The following MAPKAP1 variants were observed in gnomAD, a reference collection of about 807,000 sequenced individuals.
MAPKAP1 encodes the protein MAPK associated protein 1.
In MAPKAP1, 20 loss-of-function variants were observed where a neutral mutation model predicts 65.7. The ratio of observed to expected loss-of-function variants is 0.30; its 90% CI spans 0.21 to 0.44. MAPKAP1 has a LOEUF of 0.44. Among genes scored for constraint, MAPKAP1 ranks in the 20% least tolerant of loss-of-function variants. The pLI is 1.00. For missense variants in MAPKAP1, 423 were observed against 648.0 expected (o/e 0.65, Z 3.77); for synonymous variants, 222 against 244.3 (o/e 0.91, Z 0.85).
chr9:125,617,635 A>G (rs1482077784), intron 4 of MAPKAP1, among the ~76,000 whole-genome samples: 4 of 152,248 alleles, frequency 2.6e-5, no homozygotes, highest in Non-Finnish European at 4.4e-5. Flanking sequence ...TGAATTAACT[A>G]CAGCTACAGA....
intron 8 of MAPKAP1, among the ~76,000 whole-genome samples, chr9:125,501,900 T>C (rs1051249151): frequency 2.6e-5 from 4 of 152,178 alleles, no homozygotes; most frequent in Non-Finnish European, 4.4e-5. Flanking sequence ...TTTCTCTTCC[T>C]TGTTTTTGTC....
chr9:125,538,510 A>T (rs1830138204), intron 7 of MAPKAP1, among the ~76,000 whole-genome samples: 1 of 151,390 alleles, frequency 6.6e-6, no homozygotes, highest in Non-Finnish European at 1.5e-5. Context: ...ATCTCCCTTA[A>T]AGGGTCAATT....
chr9:125,461,221 C>T (rs1280127966), intron 10 of MAPKAP1, among the ~76,000 whole-genome samples: 1 of 152,210 alleles, frequency 6.6e-6, no homozygotes, highest in African/African-American at 2.4e-5. Flanking sequence ...TTTTTCTCCA[C>T]CTTTATCCTG....
At chr9:125,701,430 A>G (rs190748824) in intron 1 of MAPKAP1, among the ~76,000 whole-genome samples, 109 of 152,364 alleles carry the variant, frequency 7.2e-4, no homozygotes, top group African/African-American at 2.5e-3. Context: ...TGACGTGACC[A>G]AACTCCAAAG....
chr9:125,487,457 CATTT>C (rs1356461175), intron 8 of MAPKAP1, among the ~76,000 whole-genome samples: 1 of 146,442 alleles, frequency 6.8e-6, no homozygotes, highest in East Asian at 2.0e-4. Context: ...TTTTAAAAAT[CATTT>C]CAAGTCATCT....
At chr9:125,526,413 TG>T (rs1219168925) in intron 7 of MAPKAP1, among the ~76,000 whole-genome samples, 1 of 152,238 alleles carries the variant, frequency 6.6e-6, no homozygotes, top group Non-Finnish European at 1.5e-5. Flanking sequence ...ATCCTTCCAA[TG>T]GGACAGAGTA....
chr9:125,587,403 T>C (rs1831820762), intron 4 of MAPKAP1, among the ~76,000 whole-genome samples: 1 of 152,022 alleles, frequency 6.6e-6, no homozygotes, highest in African/African-American at 2.4e-5. Flanking sequence ...CCCTCTCTAA[T>C]AAAAATACAA....
At chr9:125,577,608 A>AGG (rs1554825218) in intron 5 of MAPKAP1, among the ~76,000 whole-genome samples, 1 of 45,680 alleles carries the variant, frequency 2.2e-5, no homozygotes, top group Non-Finnish European at 4.5e-5. Flanking sequence ...TCCGGGAGGG[A>AGG]GGTGGGGGGG....
intron 8 of MAPKAP1, among the ~76,000 whole-genome samples, chr9:125,491,845 T>C (rs745321726): frequency 1.3e-5 from 2 of 151,700 alleles, no homozygotes; most frequent in Non-Finnish European, 2.9e-5. Context: ...GAAATTACTG[T>C]TTTTCAATAA....
At chr9:125,694,018 A>T (rs1327818125) in intron 1 of MAPKAP1, among the ~76,000 whole-genome samples, 7 of 151,258 alleles carry the variant, frequency 4.6e-5, no homozygotes, top group Admixed American at 1.3e-4. Context: ...TTGTATTAAA[A>T]TTTTTTTTTA....
chr9:125,684,379 A>C (rs1435925853), intron 1 of MAPKAP1, among the ~76,000 whole-genome samples: 1 of 152,184 alleles, frequency 6.6e-6, no homozygotes, highest in African/African-American at 2.4e-5. Flanking sequence ...GGTACAATGC[A>C]CAAGGCAGCA....
chr9:125,594,915 T>A (rs1164424120), intron 4 of MAPKAP1, among the ~76,000 whole-genome samples: 1 of 151,652 alleles, frequency 6.6e-6, no homozygotes, highest in Non-Finnish European at 1.5e-5. Flanking sequence ...TCCCAGCCCC[T>A]GTTCTTCAGG....
intron 1 of MAPKAP1, among the ~76,000 whole-genome samples, chr9:125,681,600 T>C (rs1274114568): frequency 2.6e-5 from 4 of 152,132 alleles, no homozygotes; most frequent in Non-Finnish European, 4.4e-5. Flanking sequence ...AAAAAGAACC[T>C]GGTAGAGTGA....
intron 4 of MAPKAP1, among the ~76,000 whole-genome samples, chr9:125,657,301 A>C (rs1834059406): frequency 6.6e-6 from 1 of 151,858 alleles, no homozygotes; most frequent in South Asian, 2.1e-4. Context: ...CCTTTCTCTC[A>C]TATATATATA....
chr9:125,605,414 A>G (rs1832411131), intron 4 of MAPKAP1, among the ~76,000 whole-genome samples: 1 of 152,146 alleles, frequency 6.6e-6, no homozygotes. Context: ...CAATCTATTA[A>G]CCACATGGCA....
chr9:125,618,351 A>C (rs1303366666), intron 4 of MAPKAP1, among the ~76,000 whole-genome samples: 1 of 143,080 alleles, frequency 7.0e-6, no homozygotes, highest in Non-Finnish European at 1.6e-5. Context: ...CAAAAAAAAA[A>C]AAAAAAAAAA....
intron 1 of MAPKAP1, among the ~76,000 whole-genome samples, chr9:125,693,832 T>TACAC (rs1372798628): frequency 1.2e-5 from 1 of 80,822 alleles, no homozygotes; most frequent in Non-Finnish European, 2.6e-5. Context: ...CACACACACA[T>TACAC]ATATATACAC....
At chr9:125,699,808 T>G (rs117327417) in intron 1 of MAPKAP1, among the ~76,000 whole-genome samples, 2,968 of 151,696 alleles carry the variant, frequency 0.02, 158 homozygotes, top group East Asian at 0.15. Context: ...AGAGACAGGG[T>G]TTCATTATTT....
At chr9:125,511,161 TCAC>T (rs1171266244) in intron 7 of MAPKAP1, among the ~76,000 whole-genome samples, 1 of 127,810 alleles carries the variant, frequency 7.8e-6, no homozygotes, top group Non-Finnish European at 1.7e-5. Flanking sequence ...GCTATCATCA[TCAC>T]CATCATCATC....
Sources: gnomAD v4.1 joint callset for allele counts (sites outside exome capture counted in the v4.1 genomes callset) on GRCh38, gnomAD v4.1.1 for gene constraint, MANE v1.5 for transcripts, NCBI Gene and HGNC (gene_info 2026-07-23, HGNC 2026-07-21) for gene names.